The following GTPBP2 variants were observed in gnomAD, a reference collection of about 807,000 sequenced individuals.
GTPBP2 encodes GTP binding protein 2, also known as GTP-binding protein 2.
A neutral mutation model predicts 63.0 loss-of-function variants in GTPBP2; 32 were observed. That is an observed-to-expected ratio of 0.51 (90% CI 0.38 to 0.68). The LOEUF is 0.68. Among genes scored for constraint, GTPBP2 ranks in the 30% least tolerant of loss-of-function variants. GTPBP2 has a pLI of 0.00. For missense variants in GTPBP2, 492 were observed against 796.9 expected, an observed-to-expected ratio of 0.62 and a Z score of 4.61; for synonymous variants, 310 against 322.6, an observed-to-expected ratio of 0.96 and a Z score of 0.42.
Position 43,621,764 on chromosome 6 carries a change from T to C in GTPBP2, c.1659A>G (p.Ala553=). Residue 553 remains alanine, a synonymous_variant, in exon 12 of 12, where the codon GCA becomes GCG. Coordinates refer to ENST00000307126, the MANE Select transcript of GTPBP2 (RefSeq NM_019096.5). ...GTTTCAGGAAGCGGAAACGTACCAC[T>C]GCCTTCTCGCCTGTCCGCAGTTTGT... ...AKDKLRTGEK[A]VVRFRFLKHP... 2 of 1,614,172 alleles carry C rather than the reference T, an allele frequency of 1.2e-6. No individual in the cohort carries two copies. The highest frequency in any genetic ancestry group is 8.5e-7 in the Non-Finnish European group (1 of 1,180,020).
rs374130191 is a variant in GTPBP2, at chr6:43,625,846, G to T, written c.417C>A (p.Thr139=). 6.8e-6 allele frequency: 11 copies of T among 1,613,646 alleles called. No homozygotes were observed. Reference sequence around the variant, plus strand: ...AATCCACTTCTCGCTCTCGAAGAACGGTTATGTCTGCCCCAACCCTGTCAC... The same window carrying T: ...AATCCACTTCTCGCTCTCGAAGAACTGTTATGTCTGCCCCAACCCTGTCAC... ...RMAEKVGADI[T]VLREREVDYD... is the part of the protein sequence containing the mutation. The change falls in exon 4 of 12, where the codon ACC becomes ACA. Residue 139 remains threonine (T), a synonymous_variant. Transcript: ENST00000307126. The surrounding 1 kb of genome is among the most constrained non-coding windows in gnomAD (Gnocchi z 5.1).
In GTPBP2 at chr6:43,622,208, A is replaced by G. The variant is rs747052218; in HGVS notation, c.1468-41T>C. On this transcript the variant is annotated intron_variant, in intron 10 of 11. Coordinates refer to ENST00000307126, the MANE Select transcript of GTPBP2 (RefSeq NM_019096.5). The surrounding 1 kb of genome is among the most constrained non-coding windows in gnomAD (Gnocchi z 5.4). ...CCCCAGGCCCAGGAAGGGCAGCTCT[A>G]ACATCAGACTCTCCCTCCCCAGCCA... 1 of 1,569,956 alleles carries G rather than the reference A, an allele frequency of 6.4e-7. No individual in the cohort carries two copies. Among genetic ancestry groups the G allele is most frequent in the Non-Finnish European group, 8.7e-7 (1 of 1,146,926 alleles).
At position 43,624,841 on chromosome 6, in the gene GTPBP2, G is replaced by A. The variant is rs538678246; in HGVS notation, c.880+47C>T. On this transcript the variant is annotated intron_variant, in intron 6 of 11. Transcript: ENST00000307126. The surrounding 1 kb of genome is among the most constrained non-coding windows in gnomAD (Gnocchi z 5.1). ...CCAAGATTTGAGGCCCAGGGTAGGA[G>A]AGTCAGCACCCCCCTTCAGCCCTGT... 2,225 of 1,599,796 alleles carry A rather than the reference G, an allele frequency of 1.4e-3. 49 individuals carry two copies. The South Asian group carries it at 0.023, about 17-fold the overall frequency.
intron 1 of GTPBP2, chr6:43,627,207 C>G: frequency 1.1e-6 from 1 of 917,992 alleles, no homozygotes; most frequent in Non-Finnish European, 1.4e-6. Flanking sequence ...TCAATCCATT[C>G]TTTGATCACT....
At position 43,624,921 on chromosome 6, in the gene GTPBP2, C is replaced by T; in HGVS notation, c.847G>A (p.Ala283Thr). 3.7e-6 allele frequency: 6 copies of T among 1,614,114 alleles called. No individual in the cohort carries two copies. The highest frequency in any genetic ancestry group is 5.1e-6 in the Non-Finnish European group (6 of 1,180,016). Residue 283 changes from alanine to threonine, a missense_variant, in exon 6 of 12, where the codon GCC (alanine) becomes ACC (threonine). Ala to Thr is a moderately conservative substitution (Grantham distance 58, BLOSUM62 0). This residue lies in a region of GTPBP2 where 400 missense variants were observed against 710.8 expected (regional missense o/e 0.56). Coordinates refer to ENST00000307126, the MANE Select transcript of GTPBP2 (RefSeq NM_019096.5). This position sits in a 1 kb window ranked among gnomAD's most constrained non-coding sequence, Gnocchi z 5.1. ...FGLTSYCPDC[A>T]LLLVSANTGI... ...GTGTTGGCACTGACGAGGAGCAGGG[C>T]GCAGTCGGGGCAGTATGATGTGAGG... is the stretch of plus-strand genomic sequence containing the variant.
intron 1 of GTPBP2, among the ~76,000 whole-genome samples, chr6:43,628,025 T>C (rs367632828): frequency 6.6e-6 from 1 of 152,134 alleles, no homozygotes; most frequent in Non-Finnish European, 1.5e-5. Flanking sequence ...CGGGAACTTA[T>C]AAGAAATGCA....
Position 43,621,496 on chromosome 6 carries a change from C to T in GTPBP2, c.*118G>A. ...AAGTTGGCAGGGAGCAAGTGGCAGA[C>T]AGCACCCCTCTCTCCCTAGCCTATT... On this transcript the variant is annotated 3_prime_UTR_variant, in exon 12 of 12. Coordinates refer to ENST00000307126, the MANE Select transcript of GTPBP2 (RefSeq NM_019096.5). The T allele has an allele frequency of 1.3e-6, 2 of 1,565,282 alleles. No homozygotes were observed. Among genetic ancestry groups the T allele is most frequent in the Non-Finnish European group, 1.7e-6 (2 of 1,154,624 alleles).
At chr6:43,623,605 A>G in intron 9 of GTPBP2, 132 bp downstream of exon 9, 4 of 720,214 alleles carry the variant, frequency 5.6e-6, no homozygotes, top group Middle Eastern at 3.3e-4. Flanking sequence ...TGATAGTGAA[A>G]GCCTAATCTG....
At position 43,622,688 on chromosome 6, in the gene GTPBP2, G is replaced by C; in HGVS notation, c.1412C>G (p.Ala471Gly). The stretch of plus-strand genomic sequence containing the variant: ...AAGCGCCAGTGTAGCAGCCTGACCA[G>C]CTCGCAGCACACGACAGGCAGAGCG... The part of the protein sequence containing the change: ...RNRSACRVLR[A>G]GQAATLALGD... Residue 471 changes from alanine (A) to glycine (G), a missense_variant, in exon 10 of 12, where the codon GCT becomes GGT. Ala to Gly is a moderately conservative substitution (Grantham distance 60, BLOSUM62 0). Around this residue, in one of 2 missense-constraint regions of GTPBP2, gnomAD observed 400 missense variants for 710.8 expected, o/e 0.56. Transcript: ENST00000307126. This position sits in a 1 kb window ranked among gnomAD's most constrained non-coding sequence, Gnocchi z 5.4. The C allele has an allele frequency of 6.2e-7, 1 of 1,614,124 alleles. No individual in the cohort carries two copies. Among genetic ancestry groups the C allele is most frequent in the Non-Finnish European group, 8.5e-7 (1 of 1,179,998 alleles).
chr6:43,628,426 G>T, intron 1 of GTPBP2: 1 of 325,032 alleles, frequency 3.1e-6, no homozygotes, highest in Non-Finnish European at 4.4e-6. Context: ...CCAGCAATCC[G>T]GGTGATTCGA....
In GTPBP2 at chr6:43,625,334, CCCCATTGGGT is replaced by C. The variant is rs768594668; in HGVS notation, c.705+19_705+28del. 1 of 1,596,690 alleles carries C rather than the reference CCCCATTGGGT, an allele frequency of 6.3e-7. No homozygotes were observed. Among genetic ancestry groups the C allele is most frequent in the Non-Finnish European group, 8.6e-7 (1 of 1,164,150 alleles). ...CTACCATCCCATCCTCAGAGTCTGGCCCCATTGGGTCCCATTGATCCCATGCACCTCTCCC... is the reference window on the plus strand; with the variant it reads ...CTACCATCCCATCCTCAGAGTCTGGCCCCATTGATCCCATGCACCTCTCCC... On this transcript the variant is annotated intron_variant, in intron 5 of 11. Transcript: ENST00000307126. This position sits in a 1 kb window ranked among gnomAD's most constrained non-coding sequence, Gnocchi z 5.1.
intron 1 of GTPBP2, chr6:43,628,507 G>T (rs1407471599): frequency 1.5e-5 from 12 of 794,024 alleles, no homozygotes; most frequent in Non-Finnish European, 1.8e-5. Context: ...TGTGTGTGTA[G>T]TGAACATACT....
chr6:43,625,891 T>C lies in GTPBP2; in HGVS notation c.399-27A>G. 1.3e-6 allele frequency: 2 copies of C among 1,544,684 alleles called. No individual in the cohort carries two copies. Among genetic ancestry groups the C allele is most frequent in the Non-Finnish European group, 1.8e-6 (2 of 1,116,784 alleles). On this transcript the variant is annotated intron_variant, in intron 3 of 11. Transcript: ENST00000307126. This position sits in a 1 kb window ranked among gnomAD's most constrained non-coding sequence, Gnocchi z 5.1. ...TGTCACAGCAAGGCCACAGCTGCCATATCTCACCTGTCCTTCTCCTATTCC... is the reference window on the plus strand; with the variant it reads ...TGTCACAGCAAGGCCACAGCTGCCACATCTCACCTGTCCTTCTCCTATTCC...
At chr6:43,623,680 G>A in intron 9 of GTPBP2, 57 bp downstream of exon 9, 1 of 1,277,608 alleles carries the variant, frequency 7.8e-7, no homozygotes, top group Non-Finnish European at 1.1e-6. Flanking sequence ...GGGCCAGGAT[G>A]TCTTTGAGTA....
At chr6:43,629,751 T>G, upstream of GTPBP2, 1 of 1,555,814 alleles carries the variant, frequency 6.4e-7, no homozygotes, top group South Asian at 1.2e-5. Context: ...TCTTCCCCTA[T>G]GGCCCGCGTG....
At chr6:43,628,546 C>T in intron 1 of GTPBP2, 1 of 979,788 alleles carries the variant, frequency 1.0e-6, no homozygotes, top group Non-Finnish European at 1.2e-6. Context: ...GTGTGTGTGT[C>T]CGTGTGGAAC....
Position 43,626,538 on chromosome 6 carries a change from C to A in GTPBP2, c.214-128G>T, listed in dbSNP as rs768173122. ...ACTTAAACTCATACCTGATCCCCCTCCAACAGAACGAGGTACAGAGCCCTT... is the reference window on the plus strand; with the variant it reads ...ACTTAAACTCATACCTGATCCCCCTACAACAGAACGAGGTACAGAGCCCTT... On this transcript the variant is annotated intron_variant, in intron 2 of 11. Transcript: ENST00000307126. The surrounding 1 kb of genome is among the most constrained non-coding windows in gnomAD (Gnocchi z 4.0). 1 of 685,000 alleles carries A rather than the reference C, an allele frequency of 1.5e-6. No individual in the cohort carries two copies. The highest frequency in any genetic ancestry group is 1.8e-5 in the South Asian group (1 of 54,830). The allele number at this position is 685,000 out of a possible 1,614,324, so 42.4% of individuals were successfully genotyped here.
At chr6:43,630,741 TAAAA>T (rs200805129), upstream of GTPBP2, among the ~76,000 whole-genome samples, 1 of 118,962 alleles carries the variant, frequency 8.4e-6, no homozygotes, top group African/African-American at 3.1e-5. Flanking sequence ...AGACTCCAAC[TAAAA>T]AAAAAAAAAA....
chr6:43,622,170 G>A lies in GTPBP2; in HGVS notation c.1468-3C>T. ...TCCGGGCTCACCATCACCATGCCCT[G>A]GGGAGGAACAGACCCCAGGCCCAGG... On this transcript the variant is annotated splice_region_variant and splice_polypyrimidine_tract_variant and intron_variant, in intron 10 of 11. Transcript: ENST00000307126. The surrounding 1 kb of genome is among the most constrained non-coding windows in gnomAD (Gnocchi z 5.4). 6.2e-7 allele frequency: 1 copy of A among 1,607,324 alleles called. No individual in the cohort carries two copies.
Sources: allele counts gnomAD v4.1 joint callset (sites outside exome capture counted in the v4.1 genomes callset), GRCh38; gene constraint gnomAD v4.1.1; regional missense constraint gnomAD v4.1.1; non-coding constraint Gnocchi (gnomAD v3.1); transcripts MANE v1.5; gene names NCBI Gene and HGNC (gene_info 2026-07-23, HGNC 2026-07-21).